The following BBS1 variants were observed in gnomAD, a reference collection of about 807,000 sequenced individuals.
The protein encoded by BBS1 is Bardet-Biedl syndrome 1.
Under a neutral mutation model 73.9 loss-of-function variants are expected in BBS1, and 60 were observed. That is an observed-to-expected ratio of 0.81 (90% CI 0.66 to 1.01). The LOEUF is 1.01. Among genes scored for constraint, BBS1 ranks in the 50% least tolerant of loss-of-function variants. The pLI is 0.00. For missense variants in BBS1, 718 were observed against 770.3 expected (o/e 0.93, Z 0.80); for synonymous variants, 283 against 317.4 (o/e 0.89, Z 1.15).
intron 13 of BBS1, chr11:66,529,550 C>T (rs1856673201): frequency 7.1e-6 from 5 of 704,306 alleles, no homozygotes; most frequent in Non-Finnish European, 1.3e-5. Context: ...GAACACCAGC[C>T]TCTAGGGCCG....
chr11:66,527,095 G>C, intron 13 of BBS1: 1 of 1,391,190 alleles, frequency 7.2e-7, no homozygotes, highest in Non-Finnish European at 9.8e-7. Flanking sequence ...GTAGAATTTT[G>C]ACTGGGCATG....
chr11:66,515,799 C>G, intron 6 of BBS1, 62 bp from the exon 7 acceptor site: 1 of 1,613,982 alleles, frequency 6.2e-7, no homozygotes, highest in South Asian at 1.1e-5. Context: ...CAGAATGTGC[C>G]AGAATGATGG....
chr11:66,528,457 C>T (rs1856614371), intron 13 of BBS1, among the ~76,000 whole-genome samples: 1 of 151,982 alleles, frequency 6.6e-6, no homozygotes, highest in African/African-American at 2.4e-5. Flanking sequence ...GGGGACTTAC[C>T]CTATCAGGTA....
At chr11:66,523,919 C>G in intron 11 of BBS1, 37 bp downstream of exon 11, 1 of 1,610,446 alleles carries the variant, frequency 6.2e-7, no homozygotes, top group Non-Finnish European at 8.5e-7. Context: ...CTCACTCCTC[C>G]TTGCCCTCGT....
Position 66,529,922 on chromosome 11 carries a change from A to G in BBS1, c.1443A>G (p.Thr481=). 1 of 1,605,340 alleles carries G rather than the reference A, an allele frequency of 6.2e-7. No individual in the cohort carries two copies. Among genetic ancestry groups the G allele is most frequent in the Non-Finnish European group, 8.5e-7 (1 of 1,179,716 alleles). The change falls in exon 14 of 17, where the codon ACA becomes ACG. Residue 481 remains threonine, a synonymous_variant. Transcript: ENST00000318312. ...LESSLSPLST[T]AREPLKLHAV... ...CCAGCCTGAGCCCCCTGTCCACGACAGCCCGAGAGCCACTCAAGCTGCACG... is the reference window on the plus strand; with the variant it reads ...CCAGCCTGAGCCCCCTGTCCACGACGGCCCGAGAGCCACTCAAGCTGCACG...
chr11:66,528,076 C>G (rs1043043967), intron 13 of BBS1, among the ~76,000 whole-genome samples: 1 of 151,944 alleles, frequency 6.6e-6, no homozygotes. Context: ...ACTAAAAATA[C>G]AAAATTAGCT....
At chr11:66,514,268 C>A in intron 3 of BBS1, 138 bp from the exon 4 acceptor site, 1 of 1,166,354 alleles carries the variant, frequency 8.6e-7, no homozygotes, top group Non-Finnish European at 1.3e-6. Context: ...TTCCCAAGGT[C>A]AGGCAGCTTG....
chr11:66,531,883 G>C (rs1856798659), intron 16 of BBS1, 68 bp from the exon 17 acceptor site: 7 of 1,581,874 alleles, frequency 4.4e-6, no homozygotes, highest in Non-Finnish European at 6.0e-6. Flanking sequence ...CCTGTCATTA[G>C]GGCCAGCGCA....
At position 66,523,892 on chromosome 11, in the gene BBS1, A is replaced by T; in HGVS notation, c.1110+10A>T. 3.1e-6 allele frequency: 5 copies of T among 1,612,212 alleles called. No individual in the cohort carries two copies. The highest frequency in any genetic ancestry group is 4.2e-6 in the Non-Finnish European group (5 of 1,179,990). On this transcript the variant is annotated intron_variant, in intron 11 of 16. Transcript: ENST00000318312. ...TGTCATCCACACCCCGGTGAGCCCC[A>T]TCTCCGGCATCTGCCACTCACTCCT...
At chr11:66,525,768 G>T (rs117703257) in intron 11 of BBS1, among the ~76,000 whole-genome samples, 2 of 152,312 alleles carry the variant, frequency 1.3e-5, no homozygotes, top group Non-Finnish European at 2.9e-5. Context: ...TCCTAAGAAA[G>T]AGAACAAAAG....
chr11:66,514,273 A>C lies in BBS1; in HGVS notation c.160-133A>C, dbSNP rs1372284334. On this transcript the variant is annotated intron_variant, in intron 3 of 16. Transcript: ENST00000318312. ...TTAGTCAACTTTCCCAAGGTCAGGC[A>C]GCTTGAAAGCCTGAGGGCAAAGCCT... is the stretch of plus-strand genomic sequence containing the variant. 6 of 1,218,128 alleles carry C rather than the reference A, an allele frequency of 4.9e-6. No individual in the cohort carries two copies. In the South Asian group the frequency reaches 6.1e-5, roughly 12 times the overall value. The allele number at this position is 1,218,128 out of a possible 1,614,324, so 75.5% of individuals were successfully genotyped here.
chr11:66,528,558 C>T (rs779979228), intron 13 of BBS1, among the ~76,000 whole-genome samples: 11 of 152,204 alleles, frequency 7.2e-5, no homozygotes, highest in Non-Finnish European at 1.3e-4. Context: ...AGTCCAGAAA[C>T]TGACCCTGAA....
chr11:66,512,876 G>A (rs1333215976), intron 3 of BBS1, among the ~76,000 whole-genome samples: 1 of 152,062 alleles, frequency 6.6e-6, no homozygotes, highest in African/African-American at 2.4e-5. Flanking sequence ...GGAGGCTGAG[G>A]CAGGAGAATG....
At chr11:66,531,371 A>C (rs139085733) in intron 15 of BBS1, among the ~76,000 whole-genome samples, 2 of 152,164 alleles carry the variant, frequency 1.3e-5, no homozygotes, top group Admixed American at 1.3e-4. Context: ...CCCAGGGCCC[A>C]GGTCTGACCC....
At position 66,531,698 on chromosome 11, in the gene BBS1, T is replaced by C. The variant is rs1234614119; in HGVS notation, c.1651T>C (p.Phe551Leu). The C allele has an allele frequency of 6.2e-7, 1 of 1,614,060 alleles. No individual in the cohort carries two copies. Among genetic ancestry groups the C allele is most frequent in the South Asian group, 1.1e-5 (1 of 91,084 alleles). ...AGGGCTCAACTACCCCCTGGAGACC[T>C]TTGTGGAGAGTCTCAGTAACAAGGG... is the stretch of plus-strand genomic sequence containing the variant. ...VPGLNYPLET[F>L]VESLSNKGIS... The change falls in exon 16 of 17, where the codon TTT (phenylalanine) becomes CTT (leucine). Residue 551 changes from phenylalanine to leucine, a missense_variant. Transcript: ENST00000318312.
At position 66,529,968 on chromosome 11, in the gene BBS1, A is replaced by AGGGCAGAGTCAG; in HGVS notation, c.1473+19_1473+30dup. The stretch of plus-strand genomic sequence containing the variant: ...GCACGCCGTGGTGAGCATCTGGGTG[A>AGGGCAGAGTCAG]GGGCAGAGTCAGGGCCAGAGGGGCA... On this transcript the variant is annotated intron_variant, in intron 14 of 16. Coordinates refer to ENST00000318312, the MANE Select transcript of BBS1 (RefSeq NM_024649.5). 6.3e-7 allele frequency: 1 copy of AGGGCAGAGTCAG among 1,595,484 alleles called. No homozygotes were observed. The highest frequency in any genetic ancestry group is 8.5e-7 in the Non-Finnish European group (1 of 1,176,800).
At chr11:66,519,044 T>A (rs992018246) in intron 7 of BBS1, among the ~76,000 whole-genome samples, 5 of 152,198 alleles carry the variant, frequency 3.3e-5, no homozygotes, top group Non-Finnish European at 1.5e-5. Context: ...ATTACAGGCA[T>A]GATCTGCTGA....
chr11:66,516,329 T>C (rs942957199), intron 7 of BBS1, among the ~76,000 whole-genome samples: 1 of 152,116 alleles, frequency 6.6e-6, no homozygotes, highest in African/African-American at 2.4e-5. Context: ...TTTCACCATG[T>C]TGTCCAGGCT....
At chr11:66,526,430 G>C (rs966912492) in intron 12 of BBS1, among the ~76,000 whole-genome samples, 6 of 152,208 alleles carry the variant, frequency 3.9e-5, no homozygotes, top group Non-Finnish European at 8.8e-5. Context: ...CACGATGCCA[G>C]GAACATCACA....
Sources: allele counts gnomAD v4.1 joint callset (sites outside exome capture counted in the v4.1 genomes callset), GRCh38; gene constraint gnomAD v4.1.1; transcripts MANE v1.5; gene names NCBI Gene and HGNC (gene_info 2026-07-23, HGNC 2026-07-21).